TBL1X: variants seen among roughly 807,000 people sequenced by gnomAD.
TBL1X encodes F-box-like/WD repeat-containing protein TBL1X.
TBL1X carries 10 observed loss-of-function variants against 50.7 expected under a neutral mutation model. That is an observed-to-expected ratio of 0.20 (90% CI 0.12 to 0.33). The LOEUF is 0.33. Among genes scored for constraint, TBL1X ranks in the 10% least tolerant of loss-of-function variants. TBL1X has a pLI of 1.00. For synonymous variants in TBL1X, 190 were observed against 214.7 expected (o/e 0.88, Z 1.01); for missense variants, 340 against 504.4 (o/e 0.67, Z 3.12).
chrX:9,665,540 A>ATATATATATATATATATAT (rs1569091686), intron 5 of TBL1X, among the ~76,000 whole-genome samples: 1 of 32,949 alleles, frequency 3.0e-5, no homozygotes, highest in African/African-American at 1.1e-4. Context: ...TATATATATA[A>ATATATATATATATATATAT]AAGGCCTTGG....
intron 6 of TBL1X, among the ~76,000 whole-genome samples, chrX:9,685,342 G>A (rs2083051257): frequency 1.8e-5 from 2 of 111,760 alleles, no homozygotes; most frequent in Non-Finnish European, 3.8e-5. Flanking sequence ...CCAGGCTAGG[G>A]TGCAGTGGCA....
intron 12 of TBL1X, among the ~76,000 whole-genome samples, chrX:9,700,036 C>G (rs1914200587): frequency 8.9e-6 from 1 of 112,488 alleles, no homozygotes; most frequent in African/African-American, 3.2e-5. Context: ...TCCATCTTTC[C>G]CTGGCAACTC....
chrX:9,611,197 T>G (rs1031339254), intron 2 of TBL1X, among the ~76,000 whole-genome samples: 1 of 112,338 alleles, frequency 8.9e-6, no homozygotes, highest in South Asian at 3.7e-4. Flanking sequence ...ACTTTCAGTC[T>G]GAACTCAGTG....
intron 2 of TBL1X, among the ~76,000 whole-genome samples, chrX:9,569,334 A>G (rs199869967): frequency 1.2e-4 from 2 of 16,570 alleles, no homozygotes; most frequent in Non-Finnish European, 2.6e-4. Context: ...TGTTGTGTCT[A>G]TCTGTGCAGT....
At chrX:9,595,074 G>C (rs747922047) in intron 2 of TBL1X, among the ~76,000 whole-genome samples, 2 of 112,155 alleles carry the variant, frequency 1.8e-5, no homozygotes, top group South Asian at 7.5e-4. Flanking sequence ...TGAAGGCACA[G>C]GGGACATCTT....
chrX:9,622,893 G>A (rs1003588883), intron 2 of TBL1X, among the ~76,000 whole-genome samples: 6 of 112,066 alleles, frequency 5.4e-5, no homozygotes, highest in African/African-American at 1.9e-4. Context: ...CATTTGGGTT[G>A]CTATTCCAAA....
chrX:9,672,494 T>G (rs2082965888), intron 5 of TBL1X, among the ~76,000 whole-genome samples: 1 of 111,812 alleles, frequency 8.9e-6, no homozygotes, highest in African/African-American at 3.3e-5. Flanking sequence ...TGGTGCCTCC[T>G]TCTCCGTTCA....
intron 1 of TBL1X, among the ~76,000 whole-genome samples, chrX:9,477,771 C>T (rs1406870117): frequency 1.8e-5 from 2 of 111,726 alleles, no homozygotes; most frequent in Non-Finnish European, 3.8e-5. Context: ...CACCATGATG[C>T]AGTTTTAGAA....
At chrX:9,689,343 T>C (rs2083083595) in intron 7 of TBL1X, among the ~76,000 whole-genome samples, 1 of 112,087 alleles carries the variant, frequency 8.9e-6, no homozygotes, top group Admixed American at 9.4e-5. Flanking sequence ...CAAGTTACCA[T>C]CCACAGGCAC....
At chrX:9,705,786 A>G (rs1488670193) in intron 13 of TBL1X, among the ~76,000 whole-genome samples, 1 of 110,250 alleles carries the variant, frequency 9.1e-6, no homozygotes, top group Non-Finnish European at 1.9e-5. Flanking sequence ...CTGAAATGAA[A>G]GTCTTAATAG....
intron 6 of TBL1X, among the ~76,000 whole-genome samples, chrX:9,687,098 C>G (rs995111298): frequency 2.6e-4 from 29 of 112,284 alleles, no homozygotes; most frequent in African/African-American, 8.4e-4. Context: ...AGATACAACC[C>G]CAAGGCTTAC....
chrX:9,508,078 C>T (rs771761438), intron 2 of TBL1X, among the ~76,000 whole-genome samples: 1 of 112,025 alleles, frequency 8.9e-6, no homozygotes, highest in Admixed American at 9.4e-5. Flanking sequence ...GCAACAAAAG[C>T]CAAAATTGAC....
intron 2 of TBL1X, among the ~76,000 whole-genome samples, chrX:9,629,989 C>G (rs1203832175): frequency 9.0e-6 from 1 of 111,114 alleles, no homozygotes; most frequent in Non-Finnish European, 1.9e-5. Flanking sequence ...AGTATGTCCT[C>G]ATGAGCAGGG....
chrX:9,586,589 G>C (rs1402506622), intron 2 of TBL1X, among the ~76,000 whole-genome samples: 1 of 111,951 alleles, frequency 8.9e-6, no homozygotes, highest in African/African-American at 3.3e-5. Flanking sequence ...ATTTAACACT[G>C]TTGAACTGTG....
chrX:9,641,478 AGT>A (rs897857230), intron 3 of TBL1X, among the ~76,000 whole-genome samples: 2 of 112,753 alleles, frequency 1.8e-5, no homozygotes, highest in African/African-American at 6.4e-5. Flanking sequence ...GCAGTTTTAA[AGT>A]GTAAAGATAG....
intron 12 of TBL1X, among the ~76,000 whole-genome samples, chrX:9,698,229 A>C (rs1390985007): frequency 9.0e-6 from 1 of 111,321 alleles, no homozygotes; most frequent in African/African-American, 3.3e-5. Context: ...AGAGCTCTGA[A>C]ACACAGCAGT....
At chrX:9,474,527 A>T (rs931011085) in intron 1 of TBL1X, among the ~76,000 whole-genome samples, 3 of 113,494 alleles carry the variant, frequency 2.6e-5, no homozygotes, top group Non-Finnish European at 5.6e-5. Context: ...ATATGCAATA[A>T]CAGGGAACCA....
rs2083277082 is a variant in TBL1X at position 9,716,155 on chromosome X, T to C, written c.1708-65T>C. The C allele has an allele frequency of 6.9e-6, 8 of 1,164,340 alleles. No individual in the cohort carries two copies. In the East Asian group the frequency reaches 1.2e-4, roughly 17 times the overall value. ...GGCGTGGGGGCCGTAGCTTGCCGAC[T>C]TCTCACTCTAAAGGCATCTTTGTAT... is the stretch of plus-strand genomic sequence containing the variant. On this transcript the variant is annotated intron_variant, in intron 17 of 17. Coordinates refer to ENST00000645353, the MANE Select transcript of TBL1X (RefSeq NM_005647.4).
At chrX:9,662,800 T>A (rs1288274796) in intron 5 of TBL1X, among the ~76,000 whole-genome samples, 5 of 110,899 alleles carry the variant, frequency 4.5e-5, no homozygotes, top group African/African-American at 9.9e-5. Context: ...ACAAAAAAAA[T>A]TTTCAAAAAT....
Sources: allele counts gnomAD v4.1 joint callset (sites outside exome capture counted in the v4.1 genomes callset), GRCh38; gene constraint gnomAD v4.1.1; transcripts MANE v1.5; gene names NCBI Gene and HGNC (gene_info 2026-07-23, HGNC 2026-07-21).